KCNH7: variants seen among roughly 807,000 people sequenced by gnomAD.
The protein encoded by KCNH7 is potassium voltage-gated channel subfamily H member 7, also known as voltage-gated inwardly rectifying potassium channel KCNH7.
A neutral mutation model predicts 120.8 loss-of-function variants in KCNH7; 49 were observed. The observed-to-expected ratio is 0.41, with a 90% CI of 0.32 to 0.51. KCNH7 has a LOEUF of 0.51. KCNH7 is among the 20% of genes least tolerant of loss of function. The pLI is 0.38. For synonymous variants in KCNH7, 547 were observed against 516.1 expected, an observed-to-expected ratio of 1.06 and a Z score of -0.81; for missense variants, 1,097 against 1,446.6, an observed-to-expected ratio of 0.76 and a Z score of 3.92.
At chr2:162,646,020 G>A (rs1325299565) in intron 2 of KCNH7, among the ~76,000 whole-genome samples, 1 of 152,120 alleles carries the variant, frequency 6.6e-6, no homozygotes, top group African/African-American at 2.4e-5. Context: ...ATCTATAGGG[G>A]CTTGAAAAGA....
chr2:162,704,797 C>T (rs1274552050), intron 2 of KCNH7, among the ~76,000 whole-genome samples: 1 of 152,138 alleles, frequency 6.6e-6, no homozygotes, highest in Non-Finnish European at 1.5e-5. Flanking sequence ...TATGGTCAGG[C>T]AGTGTATGCA....
intron 8 of KCNH7, among the ~76,000 whole-genome samples, chr2:162,429,871 A>G (rs1688008494): frequency 6.6e-6 from 1 of 151,760 alleles, no homozygotes; most frequent in African/African-American, 2.4e-5. Context: ...ATCATTAAAA[A>G]AACAGATTTT....
chr2:162,712,339 T>C (rs2105359785), intron 2 of KCNH7, among the ~76,000 whole-genome samples: 1 of 152,278 alleles, frequency 6.6e-6, no homozygotes. Flanking sequence ...TTTTACTTTA[T>C]CACCAGCTCC....
intron 2 of KCNH7, among the ~76,000 whole-genome samples, chr2:162,612,801 A>C (rs1286028522): frequency 6.6e-6 from 1 of 152,052 alleles, no homozygotes; most frequent in African/African-American, 2.4e-5. Context: ...TTGAAGTAAA[A>C]AGCATTTATA....
intron 2 of KCNH7, among the ~76,000 whole-genome samples, chr2:162,613,761 C>T (rs144814616): frequency 3.2e-4 from 49 of 151,620 alleles, no homozygotes; most frequent in Non-Finnish European, 5.2e-4. Flanking sequence ...ACTATTCACT[C>T]GAAGGGCAAA....
intron 13 of KCNH7, among the ~76,000 whole-genome samples, chr2:162,381,008 G>T (rs958291927): frequency 6.6e-6 from 1 of 151,924 alleles, no homozygotes; most frequent in Non-Finnish European, 1.5e-5. Flanking sequence ...TGTTTTTGCT[G>T]CTCTCTTAAC....
intron 2 of KCNH7, among the ~76,000 whole-genome samples, chr2:162,734,638 G>T (rs1385452332): frequency 6.6e-6 from 1 of 152,004 alleles, no homozygotes. Context: ...AACAAAAATT[G>T]AGTGTTTTGT....
At position 162,371,417 on chromosome 2, in the gene KCNH7, G is replaced by T; in HGVS notation, c.*412C>A. 7.8e-7 allele frequency: 1 copy of T among 1,286,874 alleles called. No individual in the cohort carries two copies. Among genetic ancestry groups the T allele is most frequent in the Non-Finnish European group, 1.0e-6 (1 of 987,102 alleles). 79.7% of individuals were successfully genotyped at this position (1,286,874 alleles called of 1,614,324 possible). A position where few individuals can be genotyped will look rare whatever the true frequency, so the allele number is the denominator to read the frequency against. On this transcript the variant is annotated 3_prime_UTR_variant, in exon 16 of 16. Transcript: ENST00000332142. ...CCCCCTGGAATTCCCATGAGTTGAG[G>T]ATCATCTGAATTTGAGTTGCATCCA...
intron 2 of KCNH7, among the ~76,000 whole-genome samples, chr2:162,617,411 G>A (rs1289023713): frequency 6.6e-6 from 1 of 152,080 alleles, no homozygotes; most frequent in Non-Finnish European, 1.5e-5. Context: ...CCCGGGAGGC[G>A]GAGCTTGCAG....
chr2:162,669,719 A>C (rs1685271760), intron 2 of KCNH7, among the ~76,000 whole-genome samples: 1 of 152,196 alleles, frequency 6.6e-6, no homozygotes, highest in Non-Finnish European at 1.5e-5. Flanking sequence ...GCTGCTAAAC[A>C]TCCTGTATTG....
chr2:162,524,804 G>C (rs1691644309), intron 3 of KCNH7, among the ~76,000 whole-genome samples: 1 of 151,820 alleles, frequency 6.6e-6, no homozygotes, highest in Non-Finnish European at 1.5e-5. Flanking sequence ...TTTCATAGAG[G>C]GATCCTGCAA....
intron 2 of KCNH7, among the ~76,000 whole-genome samples, chr2:162,539,060 A>G (rs1395359657): frequency 6.6e-6 from 1 of 152,114 alleles, no homozygotes; most frequent in African/African-American, 2.4e-5. Flanking sequence ...TTCTTCAGCT[A>G]TGTCTCCAAT....
At chr2:162,823,280 C>T (rs1211093567) in intron 2 of KCNH7, among the ~76,000 whole-genome samples, 2 of 151,978 alleles carry the variant, frequency 1.3e-5, no homozygotes, top group Non-Finnish European at 2.9e-5. Flanking sequence ...ATTGTAAGTG[C>T]TCAATGATAC....
intron 2 of KCNH7, among the ~76,000 whole-genome samples, chr2:162,825,202 G>T (rs997048682): frequency 1.3e-5 from 2 of 151,908 alleles, no homozygotes; most frequent in Non-Finnish European, 2.9e-5. Context: ...TACTGAAGCT[G>T]GTGTGAAGTG....
intron 2 of KCNH7, among the ~76,000 whole-genome samples, chr2:162,835,355 C>T (rs1035629455): frequency 4.0e-5 from 6 of 151,828 alleles, no homozygotes; most frequent in African/African-American, 1.4e-4. Context: ...AGACTGAAAC[C>T]TTTTTCCTGC....
intron 2 of KCNH7, among the ~76,000 whole-genome samples, chr2:162,751,905 C>G (rs1688564764): frequency 6.6e-6 from 1 of 151,828 alleles, no homozygotes; most frequent in Admixed American, 6.6e-5. Flanking sequence ...CCCTATAACT[C>G]ACTGAATTTT....
intron 6 of KCNH7, among the ~76,000 whole-genome samples, chr2:162,484,512 C>A (rs907949231): frequency 8.5e-5 from 13 of 152,132 alleles, no homozygotes; most frequent in African/African-American, 3.1e-4. Flanking sequence ...ACCAGAGAGA[C>A]CGCAATAAGT....
chr2:162,686,700 AATTGT>A (rs1282421362), intron 2 of KCNH7, among the ~76,000 whole-genome samples: 7 of 152,040 alleles, frequency 4.6e-5, no homozygotes, highest in African/African-American at 1.7e-4. Context: ...TCCTTTCTGT[AATTGT>A]GTATATTCTT....
At chr2:162,640,810 A>T (rs1184886322) in intron 2 of KCNH7, among the ~76,000 whole-genome samples, 2 of 152,146 alleles carry the variant, frequency 1.3e-5, no homozygotes, top group Non-Finnish European at 2.9e-5. Flanking sequence ...AGAATATGTA[A>T]AGACCTCTCA....
Sources: allele counts gnomAD v4.1 joint callset (sites outside exome capture counted in the v4.1 genomes callset), GRCh38; gene constraint gnomAD v4.1.1; transcripts MANE v1.5; gene names NCBI Gene and HGNC (gene_info 2026-07-23, HGNC 2026-07-21).